The following PAPSS1 variants were observed in gnomAD, a reference collection of about 807,000 sequenced individuals.
PAPSS1 encodes the protein 3'-phosphoadenosine 5'-phosphosulfate synthase 1.
A neutral mutation model predicts 72.0 loss-of-function variants in PAPSS1; 50 were observed. That is an observed-to-expected ratio of 0.69 (90% CI 0.55 to 0.88). PAPSS1 has a LOEUF of 0.88. Among genes scored for constraint, PAPSS1 ranks in the 40% least tolerant of loss-of-function variants. PAPSS1 has a pLI of 0.00. For synonymous variants in PAPSS1, 261 were observed against 263.6 expected (o/e 0.99, Z 0.09); for missense variants, 657 against 782.2 (o/e 0.84, Z 1.91).
chr4:107,701,317 T>C (rs1267946199), intron 1 of PAPSS1, 32 bp from the exon 2 acceptor site: 4 of 1,437,180 alleles, frequency 2.8e-6, no homozygotes, highest in East Asian at 2.3e-5. Flanking sequence ...AATTCTAGTT[T>C]ACATGAGTCC....
At chr4:107,639,994 C>A (rs1726493710) in intron 10 of PAPSS1, among the ~76,000 whole-genome samples, 1 of 152,212 alleles carries the variant, frequency 6.6e-6, no homozygotes, top group African/African-American at 2.4e-5. Flanking sequence ...CCTCCAACTG[C>A]ATTTTCCCCC....
intron 6 of PAPSS1, among the ~76,000 whole-genome samples, chr4:107,657,345 G>GA (rs1274913411): frequency 2.6e-5 from 4 of 152,166 alleles, no homozygotes; most frequent in African/African-American, 7.2e-5. Flanking sequence ...TGGGGCCCAT[G>GA]AATCTGTATT....
At chr4:107,631,967 G>C in intron 10 of PAPSS1, 107 bp from the exon 11 acceptor site, 1 of 742,520 alleles carries the variant, frequency 1.3e-6, no homozygotes, top group Non-Finnish European at 2.1e-6. Context: ...ATTATCGGTA[G>C]GAAATCTCAA....
chr4:107,689,961 C>A (rs1722875927), intron 3 of PAPSS1, among the ~76,000 whole-genome samples: 1 of 152,156 alleles, frequency 6.6e-6, no homozygotes, highest in Non-Finnish European at 1.5e-5. Flanking sequence ...AAGCAGGCAC[C>A]AGGTCTTACT....
Position 107,710,808 on chromosome 4 carries a change from GCTCT to G in PAPSS1, c.60+9308_60+9311del, listed in dbSNP as rs553855269. On this transcript the variant is annotated intron_variant, in intron 1 of 11. Transcript: ENST00000265174. ...CCATCTGCAAAGATGGACAGCTCTG[GCTCT>G]CTCTCTCCTTCTCTGGGTGCAAGCG... is the stretch of plus-strand genomic sequence containing the variant. Among the ~76,000 whole-genome samples, 820 of 152,194 alleles carry G rather than the reference GCTCT, an allele frequency of 5.4e-3. 8 individuals carry two copies. The highest frequency in any genetic ancestry group is 0.019 in the African/African-American group (769 of 41,510).
chr4:107,654,268 T>TAA (rs1020070079), intron 8 of PAPSS1, among the ~76,000 whole-genome samples: 1 of 152,190 alleles, frequency 6.6e-6, no homozygotes, highest in Admixed American at 6.5e-5. Context: ...CATATATATA[T>TAA]AATAAATGAG....
chr4:107,690,980 A>C (rs1464053424), intron 3 of PAPSS1, among the ~76,000 whole-genome samples: 1 of 152,148 alleles, frequency 6.6e-6, no homozygotes, highest in Non-Finnish European at 1.5e-5. Context: ...TGTATATCCA[A>C]GGATTCAGGA....
intron 2 of PAPSS1, among the ~76,000 whole-genome samples, chr4:107,696,998 G>GA (rs1723084853): frequency 6.6e-6 from 1 of 152,284 alleles, no homozygotes; most frequent in African/African-American, 2.4e-5. Flanking sequence ...ATAGTGACAC[G>GA]ATGATGTGTG....
intron 5 of PAPSS1, among the ~76,000 whole-genome samples, chr4:107,662,826 G>A (rs1437375243): frequency 2.0e-5 from 3 of 152,068 alleles, no homozygotes; most frequent in African/African-American, 4.8e-5. Flanking sequence ...TACATTACAC[G>A]ACAAATGATA....
intron 10 of PAPSS1, among the ~76,000 whole-genome samples, chr4:107,641,191 T>A (rs2110309199): frequency 6.6e-6 from 1 of 152,274 alleles, no homozygotes; most frequent in South Asian, 2.1e-4. Flanking sequence ...TTATTGAGAA[T>A]CCTCTACTCT....
intron 11 of PAPSS1, among the ~76,000 whole-genome samples, chr4:107,615,868 C>T (rs144237842): frequency 6.6e-6 from 1 of 152,158 alleles, no homozygotes; most frequent in Admixed American, 6.5e-5. Context: ...GATTCTTGCT[C>T]TTTCCTCTAC....
chr4:107,705,045 A>G (rs1317469524), intron 1 of PAPSS1, among the ~76,000 whole-genome samples: 1 of 152,090 alleles, frequency 6.6e-6, no homozygotes, highest in Admixed American at 6.5e-5. Context: ...TTAATGTGCT[A>G]TATAATTCAG....
intron 10 of PAPSS1, among the ~76,000 whole-genome samples, chr4:107,642,833 C>T (rs1207623150): frequency 6.6e-6 from 1 of 152,176 alleles, no homozygotes; most frequent in African/African-American, 2.4e-5. Flanking sequence ...CAATACACTG[C>T]TGATGGGAGT....
chr4:107,631,099 T>C (rs1726215076), intron 11 of PAPSS1, among the ~76,000 whole-genome samples: 1 of 152,230 alleles, frequency 6.6e-6, no homozygotes. Flanking sequence ...ATGTTTAGAA[T>C]TGAGTCCCAT....
intron 2 of PAPSS1, among the ~76,000 whole-genome samples, chr4:107,699,577 T>TA (rs1723158760): frequency 6.6e-6 from 1 of 152,046 alleles, no homozygotes; most frequent in Non-Finnish European, 1.5e-5. Context: ...CCTCACACTA[T>TA]ACACAAAAAT....
intron 10 of PAPSS1, among the ~76,000 whole-genome samples, chr4:107,634,797 AT>A (rs3083966): frequency 0.052 from 6,002 of 115,766 alleles, 67 homozygotes; most frequent in Non-Finnish European, 0.064. Flanking sequence ...TATTCTAGAC[AT>A]TTTTTTTTTT....
At chr4:107,677,031 A>G (rs1438415010) in intron 5 of PAPSS1, among the ~76,000 whole-genome samples, 2 of 152,242 alleles carry the variant, frequency 1.3e-5, no homozygotes, top group African/African-American at 4.8e-5. Context: ...TACAAAAATT[A>G]ATTCAAGATG....
chr4:107,718,657 CCAT>C (rs373111943), intron 1 of PAPSS1, among the ~76,000 whole-genome samples: 1 of 152,194 alleles, frequency 6.6e-6, no homozygotes, highest in African/African-American at 2.4e-5. Flanking sequence ...TTTTTCACCA[CCAT>C]GTCTAGCACA....
intron 1 of PAPSS1, among the ~76,000 whole-genome samples, chr4:107,707,962 C>A (rs1723382480): frequency 6.6e-6 from 1 of 152,084 alleles, no homozygotes; most frequent in South Asian, 2.1e-4. Flanking sequence ...AGCAGAAATG[C>A]CATCTCCCAC....
Sources: allele counts gnomAD v4.1 joint callset (sites outside exome capture counted in the v4.1 genomes callset), GRCh38; gene constraint gnomAD v4.1.1; transcripts MANE v1.5; gene names NCBI Gene and HGNC (gene_info 2026-07-23, HGNC 2026-07-21).